Variants in ETFBKMT observed in about 807,000 individuals in gnomAD.
ETFBKMT encodes the protein electron transfer flavoprotein beta subunit lysine methyltransferase.
A neutral mutation model predicts 18.3 loss-of-function variants in ETFBKMT; 13 were observed. That is an observed-to-expected ratio of 0.71 (90% CI 0.46 to 1.13). The LOEUF is 1.13. ETFBKMT is among the 50% of genes most tolerant of loss of function. The probability of loss-of-function intolerance (pLI) is 0.00; values close to 1 mark genes in which losing one functional copy is unlikely to be tolerated. For missense variants in ETFBKMT, 293 were observed against 306.2 expected, an observed-to-expected ratio of 0.96 and a Z score of 0.32; for synonymous variants, 84 against 107.9, an observed-to-expected ratio of 0.78 and a Z score of 1.37.
intron 2 of ETFBKMT, among the ~76,000 whole-genome samples, chr12:31,662,839 G>A (rs2139622446): frequency 6.6e-6 from 1 of 152,232 alleles, no homozygotes; most frequent in African/African-American, 2.4e-5. Flanking sequence ...CTAGATGGAA[G>A]CTAAACACCC....
upstream of ETFBKMT, among the ~76,000 whole-genome samples, chr12:31,658,945 T>A (rs868031578): frequency 5.6e-3 from 735 of 131,420 alleles, 6 homozygotes; most frequent in South Asian, 0.016. Context: ...TTTTTTTTTT[T>A]AAATATACGG....
rs1425447891 is a variant in ETFBKMT, at chr12:31,669,500, T to A, written c.*1510T>A. On this transcript the variant is annotated 3_prime_UTR_variant, in exon 4 of 4. Coordinates refer to ENST00000357721, the MANE Select transcript of ETFBKMT (RefSeq NM_001135863.2). ...AAAATAGTTTCCCTTGAGAACTGGC[T>A]TTTGTTAAGGAGAACTGAACACTTG... 6.6e-6 allele frequency: 1 copy of A among 152,200 alleles called. No individual in the cohort carries two copies. The highest frequency in any genetic ancestry group is 2.4e-5 in the African/African-American group (1 of 41,420). The allele number at this position is 152,200 out of a possible 1,614,324, so 9.4% of individuals were successfully genotyped here. A position where few individuals can be genotyped will look rare whatever the true frequency, so the allele number is the denominator to read the frequency against.
In ETFBKMT at chr12:31,672,415, T is replaced by G; in HGVS notation, c.*4425T>G. 4 of 1,407,500 alleles carry G rather than the reference T, an allele frequency of 2.8e-6. No homozygotes were observed. Among genetic ancestry groups the G allele is most frequent in the Non-Finnish European group, 3.0e-6 (3 of 1,016,250 alleles). 87.2% of individuals were successfully genotyped at this position (1,407,500 alleles called of 1,614,324 possible). Reference sequence around the variant, plus strand: ...ACAATGACAATATATTAATTGACAATAAAAAATGTTTAATGTTTCCTCATG... The same window carrying G: ...ACAATGACAATATATTAATTGACAAGAAAAAATGTTTAATGTTTCCTCATG... On this transcript the variant is annotated 3_prime_UTR_variant, in exon 4 of 4. Transcript: ENST00000357721.
chr12:31,663,464 G>T (rs1592136684), intron 2 of ETFBKMT, among the ~76,000 whole-genome samples: 1 of 152,156 alleles, frequency 6.6e-6, no homozygotes, highest in Non-Finnish European at 1.5e-5. Context: ...GACCTCAAGT[G>T]ATCCGCCAGC....
intron 2 of ETFBKMT, among the ~76,000 whole-genome samples, chr12:31,663,381 G>A (rs528745765): frequency 6.1e-4 from 92 of 151,666 alleles, no homozygotes; most frequent in Admixed American, 1.6e-3. Context: ...GTGAGCCACC[G>A]CGCCTGGCTT....
chr12:31,664,369 T>C (rs780732406), intron 2 of ETFBKMT, among the ~76,000 whole-genome samples: 111 of 152,186 alleles, frequency 7.3e-4, no homozygotes, highest in Non-Finnish European at 1.4e-3. Flanking sequence ...GACTCTTGGA[T>C]TGAGTTTACT....
Position 31,669,239 on chromosome 12 carries a change from T to C in ETFBKMT, c.*1249T>C, listed in dbSNP as rs1180064718. The C allele has an allele frequency of 6.6e-6, 1 of 152,230 alleles. No homozygotes were observed. Among genetic ancestry groups the C allele is most frequent in the Non-Finnish European group, 1.5e-5 (1 of 68,036 alleles). 9.4% of individuals were successfully genotyped at this position (152,230 alleles called of 1,614,324 possible). A position where few individuals can be genotyped will look rare whatever the true frequency, so the allele number is the denominator to read the frequency against. On this transcript the variant is annotated 3_prime_UTR_variant, in exon 4 of 4. Transcript: ENST00000357721. ...TTATATAGAGTCTGAAGCTTGCAGT[T>C]TTTTTCACCTGTAATTCCCTGTTAT...
chr12:31,654,848 G>A (rs1294450394), upstream of ETFBKMT, among the ~76,000 whole-genome samples: 1 of 152,112 alleles, frequency 6.6e-6, no homozygotes, highest in Non-Finnish European at 1.5e-5. Context: ...TTGAGGTCAG[G>A]AATTAGAGAC....
In ETFBKMT at chr12:31,668,431, A is replaced by G. The variant is rs80182014; in HGVS notation, c.*441A>G. The G allele has an allele frequency of 0.052, 7,993 of 152,340 alleles. 308 individuals are homozygous for G. Among genetic ancestry groups the G allele is most frequent in the Admixed American group, 0.11 (1,626 of 15,288 alleles). The allele number at this position is 152,340 out of a possible 1,614,324, so 9.4% of individuals were successfully genotyped here. A position where few individuals can be genotyped will look rare whatever the true frequency, so the allele number is the denominator to read the frequency against. On this transcript the variant is annotated 3_prime_UTR_variant, in exon 4 of 4. Transcript: ENST00000357721. ...TTAGAGACAGTCTCACTTTGCTCCCAGGCTGGAATGCAGTGGCTATTCAGA... is the reference window on the plus strand; with the variant it reads ...TTAGAGACAGTCTCACTTTGCTCCCGGGCTGGAATGCAGTGGCTATTCAGA...
At chr12:31,663,836 CT>C (rs77970904) in intron 2 of ETFBKMT, among the ~76,000 whole-genome samples, 1 of 151,996 alleles carries the variant, frequency 6.6e-6, no homozygotes, top group Non-Finnish European at 1.5e-5. Flanking sequence ...CTAAACCGCA[CT>C]TTATTTCTCA....
chr12:31,657,098 G>A (rs1951068463), upstream of ETFBKMT, among the ~76,000 whole-genome samples: 1 of 152,228 alleles, frequency 6.6e-6, no homozygotes, highest in African/African-American at 2.4e-5. Context: ...CAGTTAATAA[G>A]TGTAATTGAA....
chr12:31,655,274 C>T (rs999621141), upstream of ETFBKMT, among the ~76,000 whole-genome samples: 1 of 152,132 alleles, frequency 6.6e-6, no homozygotes, highest in Non-Finnish European at 1.5e-5. Context: ...ACTTCACAAC[C>T]TTGTGTCAAA....
Position 31,672,531 on chromosome 12 carries a change from T to C in ETFBKMT, c.*4541T>C, listed in dbSNP as rs1951301307. On this transcript the variant is annotated 3_prime_UTR_variant, in exon 4 of 4. Coordinates refer to ENST00000357721, the MANE Select transcript of ETFBKMT (RefSeq NM_001135863.2). ...GCACAATATACAACTAACTCACTAA[T>C]AATTAATTAATGGTAGCCCTCACTA... The C allele has an allele frequency of 3.4e-6, 2 of 580,452 alleles. No individual in the cohort carries two copies. Among genetic ancestry groups the C allele is most frequent in the Non-Finnish European group, 6.2e-6 (2 of 325,172 alleles). 36.0% of individuals were successfully genotyped at this position (580,452 alleles called of 1,614,324 possible).
intron 1 of ETFBKMT, among the ~76,000 whole-genome samples, chr12:31,648,768 A>T (rs368086793): frequency 2.0e-5 from 3 of 151,206 alleles, no homozygotes; most frequent in South Asian, 2.1e-4. Context: ...TCACCATGTT[A>T]GCCAGGATGG....
chr12:31,662,068 G>C lies in ETFBKMT; in HGVS notation c.115G>C (p.Ala39Pro). 1 of 1,614,250 alleles carries C rather than the reference G, an allele frequency of 6.2e-7. No individual in the cohort carries two copies. The highest frequency in any genetic ancestry group is 8.5e-7 in the Non-Finnish European group (1 of 1,180,040). Residue 39 changes from alanine to proline, a missense_variant, in exon 2 of 4, where the codon GCT (alanine) becomes CCT (proline). Ala to Pro is a conservative substitution (Grantham distance 27). Transcript: ENST00000357721. ...CTGTGGCCAGTGTCCCTGGAGAGGA[G>C]CTGGAAGCTTTTTGGACCCTGAGAT... ...FPCGQCPWRG[A>P]GSFLDPEIKA...
rs1307674946 is a variant in ETFBKMT at position 31,668,114 on chromosome 12, T to C, written c.*124T>C. On this transcript the variant is annotated 3_prime_UTR_variant, in exon 4 of 4. Coordinates refer to ENST00000357721, the MANE Select transcript of ETFBKMT (RefSeq NM_001135863.2). ...CTTGTTAAATGGAAAATCTTGTTTT[T>C]AAAATATGAAGGTTTAGAGTTTTGT... 9.8e-6 allele frequency: 8 copies of C among 819,600 alleles called. No individual in the cohort carries two copies. Among genetic ancestry groups the C allele is most frequent in the East Asian group, 2.7e-5 (1 of 37,036 alleles). The allele number at this position is 819,600 out of a possible 1,614,324, so 50.8% of individuals were successfully genotyped here.
chr12:31,669,410 G>C lies in ETFBKMT; in HGVS notation c.*1420G>C, dbSNP rs1254530440. ...AGCTTTTCTTTTGTCACTTTGGTGA[G>C]ACAGGAAGGCTAGAGGCAGCTGGAG... On this transcript the variant is annotated 3_prime_UTR_variant, in exon 4 of 4. Transcript: ENST00000357721. The C allele has an allele frequency of 1.3e-5, 2 of 152,266 alleles. No homozygotes were observed. Among genetic ancestry groups the C allele is most frequent in the Non-Finnish European group, 2.9e-5 (2 of 68,066 alleles). 9.4% of individuals were successfully genotyped at this position (152,266 alleles called of 1,614,324 possible). A position where few individuals can be genotyped will look rare whatever the true frequency, so the allele number is the denominator to read the frequency against.
rs200017901 is a variant in ETFBKMT, at chr12:31,661,908, ATT to A, written c.-45_-44del. The stretch of plus-strand genomic sequence containing the variant: ...TGTTCATTCTCCTTGAGAAGCAGCT[ATT>A]ATCAACAGAACATTGACAGAACCTG... On this transcript the variant is annotated 5_prime_UTR_variant, in exon 2 of 4. Coordinates refer to ENST00000357721, the MANE Select transcript of ETFBKMT (RefSeq NM_001135863.2). The A allele has an allele frequency of 2.6e-3, 4,135 of 1,564,282 alleles. 96 individuals are homozygous for A. In the African/African-American group the frequency reaches 0.049, roughly 19 times the overall value.
At chr12:31,651,805 T>C (rs1951020821) in intron 1 of ETFBKMT, among the ~76,000 whole-genome samples, 1 of 152,192 alleles carries the variant, frequency 6.6e-6, no homozygotes, top group Non-Finnish European at 1.5e-5. Flanking sequence ...AGTAGGAGTA[T>C]GGGAATCCTC....
Sources: allele counts gnomAD v4.1 joint callset (sites outside exome capture counted in the v4.1 genomes callset), GRCh38; gene constraint gnomAD v4.1.1; transcripts MANE v1.5; gene names NCBI Gene and HGNC (gene_info 2026-07-23, HGNC 2026-07-21).